Variants in WDTC1 observed in about 807,000 individuals in gnomAD.
WDTC1 encodes the protein WD and tetratricopeptide repeats protein 1.
Under a neutral mutation model 76.0 loss-of-function variants are expected in WDTC1, and 12 were observed. The observed-to-expected ratio is 0.16, with a 90% CI of 0.10 to 0.26. The LOEUF (loss-of-function observed/expected upper bound fraction) is 0.26. Ranked by LOEUF, WDTC1 falls within the 10% of genes least tolerant of loss-of-function variation. WDTC1 has a pLI of 1.00. For missense variants in WDTC1, 511 were observed against 908.8 expected (o/e 0.56, Z 5.63); for synonymous variants, 326 against 350.8 (o/e 0.93, Z 0.79).
At chr1:27,282,590 C>T (rs1406202077) in intron 4 of WDTC1, among the ~76,000 whole-genome samples, 3 of 152,042 alleles carry the variant, frequency 2.0e-5, no homozygotes, top group African/African-American at 4.8e-5. Flanking sequence ...GCAACCTCCG[C>T]CTTTCAGGTT....
At chr1:27,300,909 G>C (rs1402225181) in intron 12 of WDTC1, among the ~76,000 whole-genome samples, 1 of 152,204 alleles carries the variant, frequency 6.6e-6, no homozygotes, top group African/African-American at 2.4e-5. Context: ...CAAGATGCCA[G>C]GCCTTCTGCT....
Position 27,303,663 on chromosome 1 carries a change from G to T in WDTC1, c.1511G>T (p.Arg504Leu). The T allele has an allele frequency of 6.2e-7, 1 of 1,610,516 alleles. No individual in the cohort carries two copies. The highest frequency in any genetic ancestry group is 1.1e-5 in the South Asian group (1 of 90,532). ...GPGGGAPVRL[R>L]STSRKDSISE... ...GGTGGCGGCGCCCCAGTCCGCCTCC[G>T]CAGCACGAGCCGCAAGGACTCCATC... The change falls in exon 14 of 16, where the codon CGC becomes CTC. Residue 504 changes from arginine to leucine, a missense_variant. Coordinates refer to ENST00000319394, the MANE Select transcript of WDTC1 (RefSeq NM_001276252.2). The surrounding 1 kb of genome is among the most constrained non-coding windows in gnomAD (Gnocchi z 4.8).
chr1:27,259,616 G>C (rs903881747), intron 1 of WDTC1, among the ~76,000 whole-genome samples: 2 of 151,994 alleles, frequency 1.3e-5, no homozygotes, highest in Admixed American at 6.6e-5. Context: ...GCACAGCACT[G>C]CACCACCACA....
chr1:27,260,396 C>T (rs890886919), intron 1 of WDTC1, among the ~76,000 whole-genome samples: 7 of 152,200 alleles, frequency 4.6e-5, no homozygotes, highest in African/African-American at 9.7e-5. Flanking sequence ...TGAGCCACCG[C>T]GCCCGGCCCT....
intron 3 of WDTC1, among the ~76,000 whole-genome samples, chr1:27,265,106 C>T (rs887369206): frequency 2.6e-5 from 4 of 152,014 alleles, no homozygotes; most frequent in Admixed American, 6.6e-5. Flanking sequence ...GCCTAGCCCA[C>T]ACTGTAAGCT....
rs924798771 is a variant in WDTC1 at position 27,306,365 on chromosome 1, G to A, written c.2016G>A (p.Val672=). The change falls in exon 16 of 16, where the codon GTG becomes GTA. Residue 672 remains valine, a synonymous_variant. Coordinates refer to ENST00000319394, the MANE Select transcript of WDTC1 (RefSeq NM_001276252.2). The surrounding 1 kb of genome is among the most constrained non-coding windows in gnomAD (Gnocchi z 5.0). ...ATGAGGACAGCTCTGAGGGCCAGGT[G>A]CAGTGCCGGCCCAGCTAGACCCTCC... ...SDDEDSSEGQ[V]QCRPS is the part of the protein sequence containing the mutation. 5.6e-6 allele frequency: 9 copies of A among 1,612,792 alleles called. No homozygotes were observed. The highest frequency in any genetic ancestry group is 3.4e-4 in the Middle Eastern group (2 of 5,960).
intron 14 of WDTC1, 45 bp from the exon 15 acceptor site, chr1:27,304,956 G>A (rs761188329): frequency 6.3e-7 from 1 of 1,575,260 alleles, no homozygotes; most frequent in Non-Finnish European, 8.6e-7. Flanking sequence ...TGAGGCTGTA[G>A]GGCAGTACCC....
Position 27,306,340 on chromosome 1 carries a change from A to T in WDTC1, c.1991A>T (p.Asp664Val). The T allele has an allele frequency of 3.1e-6, 5 of 1,613,744 alleles. No individual in the cohort carries two copies. The highest frequency in any genetic ancestry group is 4.2e-6 in the Non-Finnish European group (5 of 1,179,996). The part of the protein sequence containing the change: ...LSSGGAGASD[D>V]EDSSEGQVQC... ...AGTGGGGGTGCCGGGGCCTCTGATG[A>T]TGAGGACAGCTCTGAGGGCCAGGTG... Residue 664 changes from aspartate (D) to valine (V), a missense_variant, in exon 16 of 16, where the codon GAT becomes GTT. Asp to Val is a radical substitution (Grantham distance 152). Coordinates refer to ENST00000319394, the MANE Select transcript of WDTC1 (RefSeq NM_001276252.2). The surrounding 1 kb of genome is among the most constrained non-coding windows in gnomAD (Gnocchi z 5.0).
At chr1:27,240,892 A>G (rs2011610144) in intron 1 of WDTC1, among the ~76,000 whole-genome samples, 1 of 151,708 alleles carries the variant, frequency 6.6e-6, no homozygotes, top group African/African-American at 2.4e-5. Context: ...GGAGAATCGC[A>G]TGAACTCAGA....
chr1:27,294,265 C>A (rs2013622654), intron 8 of WDTC1, 149 bp downstream of exon 8: 2 of 864,124 alleles, frequency 2.3e-6, no homozygotes, highest in South Asian at 1.8e-5. Flanking sequence ...CTGCCATTGA[C>A]AAGCTATGTC....
chr1:27,269,382 CAT>C (rs762513805), intron 3 of WDTC1, among the ~76,000 whole-genome samples: 5 of 149,186 alleles, frequency 3.4e-5, no homozygotes, highest in Non-Finnish European at 5.9e-5. Flanking sequence ...GTTAGGCTAA[CAT>C]ATGAGTGTGG....
chr1:27,254,322 C>T (rs1230441018), intron 1 of WDTC1, among the ~76,000 whole-genome samples: 1 of 151,956 alleles, frequency 6.6e-6, no homozygotes, highest in Non-Finnish European at 1.5e-5. Flanking sequence ...CCAGGCCAGG[C>T]GTGGTGGCTC....
intron 5 of WDTC1, among the ~76,000 whole-genome samples, 198 bp downstream of exon 5, chr1:27,283,647 G>A (rs1012564825): frequency 2.6e-5 from 4 of 152,168 alleles, no homozygotes; most frequent in African/African-American, 9.7e-5. Context: ...TTAGAGCTAA[G>A]CGGCCAATTC....
intron 3 of WDTC1, among the ~76,000 whole-genome samples, chr1:27,272,258 A>T (rs536162263): frequency 5.6e-4 from 83 of 149,288 alleles, no homozygotes; most frequent in African/African-American, 1.5e-3. Context: ...AAAAAAAAAA[A>T]TTTTTTTTTT....
intron 14 of WDTC1, 47 bp from the exon 15 acceptor site, chr1:27,304,954 T>C (rs1366101567): frequency 1.3e-6 from 2 of 1,562,466 alleles, no homozygotes; most frequent in Non-Finnish European, 1.7e-6. Context: ...CTTGAGGCTG[T>C]AGGGCAGTAC....
chr1:27,293,761 C>T (rs1210935857), intron 7 of WDTC1, among the ~76,000 whole-genome samples: 2 of 152,096 alleles, frequency 1.3e-5, no homozygotes, highest in African/African-American at 4.8e-5. Flanking sequence ...GGTCTTGAAC[C>T]TTAGCTTGCT....
At chr1:27,265,003 C>G (rs1043413318) in intron 3 of WDTC1, among the ~76,000 whole-genome samples, 9 of 151,856 alleles carry the variant, frequency 5.9e-5, no homozygotes, top group Non-Finnish European at 1.0e-4. Context: ...AGGGTTTCAC[C>G]ATGTTGCCCA....
chr1:27,253,380 C>G (rs1168257804), intron 1 of WDTC1, among the ~76,000 whole-genome samples: 4 of 57,846 alleles, frequency 6.9e-5, no homozygotes, highest in African/African-American at 2.1e-4. Flanking sequence ...CTTCTTTCTT[C>G]TTTCTTCTTC....
chr1:27,301,359 C>T lies in WDTC1; in HGVS notation c.1366C>T (p.Leu456=). Residue 456 remains leucine, a synonymous_variant, in exon 13 of 16, where the codon CTG becomes TTG. Coordinates refer to ENST00000319394, the MANE Select transcript of WDTC1 (RefSeq NM_001276252.2). This position sits in a 1 kb window ranked among gnomAD's most constrained non-coding sequence, Gnocchi z 5.8. ...LKYVAEALEC[L]DDFKGKFPEQ... is the part of the protein sequence containing the mutation. ...GTATGTGGCTGAAGCCCTGGAGTGCCTGGACGACTTCAAAGGGAAATTTCC... is the reference window on the plus strand; with the variant it reads ...GTATGTGGCTGAAGCCCTGGAGTGCTTGGACGACTTCAAAGGGAAATTTCC... 6.2e-7 allele frequency: 1 copy of T among 1,614,206 alleles called. No individual in the cohort carries two copies. Among genetic ancestry groups the T allele is most frequent in the Non-Finnish European group, 8.5e-7 (1 of 1,180,050 alleles).
Sources: allele counts gnomAD v4.1 joint callset (sites outside exome capture counted in the v4.1 genomes callset), GRCh38; gene constraint gnomAD v4.1.1; non-coding constraint Gnocchi (gnomAD v3.1); transcripts MANE v1.5; gene names NCBI Gene and HGNC (gene_info 2026-07-23, HGNC 2026-07-21).